SULF1: variants seen among roughly 807,000 people sequenced by gnomAD.
The protein encoded by SULF1 is extracellular sulfatase Sulf-1.
A neutral mutation model predicts 110.5 loss-of-function variants in SULF1; 46 were observed. That is an observed-to-expected ratio of 0.42 (90% CI 0.33 to 0.53). The LOEUF (loss-of-function observed/expected upper bound fraction) is 0.53. SULF1 is among the 20% of genes least tolerant of loss of function. The pLI is 0.12. For missense variants in SULF1, 941 were observed against 1,094.2 expected (o/e 0.86, Z 1.98); for synonymous variants, 371 against 387.1 (o/e 0.96, Z 0.49).
In SULF1 at chr8:69,603,224, C is replaced by T; in HGVS notation, c.1094C>T (p.Ala365Val). Residue 365 changes from alanine (A) to valine (V), a missense_variant, in exon 11 of 23, where the codon GCC becomes GTC. Ala to Val is a moderately conservative substitution (Grantham distance 64). This residue lies in a region of SULF1 where 822 missense variants were observed against 934.3 expected (regional missense o/e 0.88). Transcript: ENST00000402687. ...CAGATCGTTCTCAACATTGACTTGG[C>T]CCCCACGATCCTGGATATTGCTGGG... is the stretch of plus-strand genomic sequence containing the variant. ...VPQIVLNIDLAPTILDIAGLD... is the reference protein window; with the variant it reads ...VPQIVLNIDLVPTILDIAGLD... 2 of 1,614,144 alleles carry T rather than the reference C, an allele frequency of 1.2e-6. No homozygotes were observed. Among genetic ancestry groups the T allele is most frequent in the Non-Finnish European group, 1.7e-6 (2 of 1,180,028 alleles).
chr8:69,659,538 G>C lies in SULF1; in HGVS notation c.*1003G>C, dbSNP rs1812976739. 1 of 241,982 alleles carries C rather than the reference G, an allele frequency of 4.1e-6. No individual in the cohort carries two copies. Among genetic ancestry groups the C allele is most frequent in the Non-Finnish European group, 8.2e-6 (1 of 122,024 alleles). 15.0% of individuals were successfully genotyped at this position (241,982 alleles called of 1,614,324 possible). ...TAGAAAGAAAGGCTGGGGATATTTGGGTTGGCTTGGTTTTGATTTTTTGCT... is the reference window on the plus strand; with the variant it reads ...TAGAAAGAAAGGCTGGGGATATTTGCGTTGGCTTGGTTTTGATTTTTTGCT... On this transcript the variant is annotated 3_prime_UTR_variant, in exon 23 of 23. Coordinates refer to ENST00000402687, the MANE Select transcript of SULF1 (RefSeq NM_001128205.2).
chr8:69,612,906 G>T (rs1363858492), intron 13 of SULF1, among the ~76,000 whole-genome samples: 1 of 151,980 alleles, frequency 6.6e-6, no homozygotes, highest in African/African-American at 2.4e-5. Context: ...TGCTTTTGGG[G>T]TCTTAGTTAT....
chr8:69,466,929 A>G (rs570822985), exon 1 of SULF1: 6 of 152,356 alleles, frequency 3.9e-5, no homozygotes, highest in African/African-American at 1.4e-4. Context: ...AGCAGACACA[A>G]GAAAAGCAGT....
chr8:69,532,901 A>G (rs1344119654), intron 3 of SULF1, among the ~76,000 whole-genome samples: 1 of 152,154 alleles, frequency 6.6e-6, no homozygotes, highest in Non-Finnish European at 1.5e-5. Context: ...TATTCTAGGT[A>G]TCTCATATAA....
intron 5 of SULF1, among the ~76,000 whole-genome samples, chr8:69,567,415 T>C (rs1023295302): frequency 2.0e-5 from 3 of 152,136 alleles, no homozygotes; most frequent in Non-Finnish European, 4.4e-5. Flanking sequence ...TACATTTACA[T>C]TGGTGTGTAA....
intron 22 of SULF1, among the ~76,000 whole-genome samples, chr8:69,656,071 G>T (rs1163207428): frequency 6.6e-6 from 1 of 152,116 alleles, no homozygotes; most frequent in African/African-American, 2.4e-5. Flanking sequence ...GTTTCAAACT[G>T]TTCCTTTATA....
chr8:69,520,112 T>TACACACACAC (rs34036903), intron 3 of SULF1, among the ~76,000 whole-genome samples: 8 of 137,138 alleles, frequency 5.8e-5, no homozygotes, highest in African/African-American at 1.3e-4. Context: ...AAATTCCAGT[T>TACACACACAC]ACACACACAC....
chr8:69,617,217 G>A (rs1036730006), intron 13 of SULF1, among the ~76,000 whole-genome samples: 5 of 151,318 alleles, frequency 3.3e-5, no homozygotes, highest in Non-Finnish European at 7.4e-5. Context: ...AGGCTGTAGT[G>A]CAGTAGCATG....
At chr8:69,556,489 T>C (rs1196725001) in intron 3 of SULF1, among the ~76,000 whole-genome samples, 1 of 152,240 alleles carries the variant, frequency 6.6e-6, no homozygotes, top group Non-Finnish European at 1.5e-5. Flanking sequence ...TCTGCCATTC[T>C]ATGTGTGACT....
Position 69,589,029 on chromosome 8 carries a change from A to G in SULF1, c.622A>G (p.Arg208Gly). Residue 208 changes from arginine to glycine, a missense_variant, in exon 8 of 23, where the codon AGA becomes GGA. Physicochemically the swap from Arg to Gly is moderately radical, Grantham distance 125. This residue lies in a region of SULF1 where 822 missense variants were observed against 934.3 expected (regional missense o/e 0.88). Coordinates refer to ENST00000402687, the MANE Select transcript of SULF1 (RefSeq NM_001128205.2). The stretch of plus-strand genomic sequence containing the variant: ...CATTAATTACTTCAAAATGTCTAAG[A>G]GAATGTATCCCCATAGGCCCGTTAT... ...ESINYFKMSK[R>G]MYPHRPVMMV... 6.2e-7 allele frequency: 1 copy of G among 1,614,192 alleles called. No individual in the cohort carries two copies. The highest frequency in any genetic ancestry group is 8.5e-7 in the Non-Finnish European group (1 of 1,180,016).
At chr8:69,576,793 T>C (rs940721734) in intron 6 of SULF1, among the ~76,000 whole-genome samples, 9 of 152,240 alleles carry the variant, frequency 5.9e-5, no homozygotes, top group Non-Finnish European at 1.2e-4. Flanking sequence ...CACAACGTTG[T>C]TCGTAGAAGG....
intron 13 of SULF1, among the ~76,000 whole-genome samples, chr8:69,606,980 G>A (rs1298126061): frequency 1.3e-5 from 2 of 152,196 alleles, no homozygotes; most frequent in Non-Finnish European, 1.5e-5. Context: ...GCCTGAGTGA[G>A]CTTTAGAAGT....
intron 3 of SULF1, among the ~76,000 whole-genome samples, chr8:69,558,689 G>A (rs1455658177): frequency 6.6e-6 from 1 of 152,190 alleles, no homozygotes; most frequent in African/African-American, 2.4e-5. Flanking sequence ...AGCCTTAAAT[G>A]TGAGAGTCTG....
intron 1 of SULF1, among the ~76,000 whole-genome samples, chr8:69,478,220 A>C (rs556255797): frequency 6.6e-6 from 1 of 152,268 alleles, no homozygotes; most frequent in South Asian, 2.1e-4. Flanking sequence ...CCAGTTCTGC[A>C]TCACCTCGTG....
intron 5 of SULF1, among the ~76,000 whole-genome samples, 173 bp from the exon 6 acceptor site, chr8:69,575,797 G>T (rs1805569441): frequency 6.6e-6 from 1 of 152,098 alleles, no homozygotes. Context: ...GAGATGGTAG[G>T]ATCTCAAATG....
At chr8:69,606,891 G>A (rs1019165972) in intron 13 of SULF1, among the ~76,000 whole-genome samples, 3 of 152,190 alleles carry the variant, frequency 2.0e-5, no homozygotes, top group African/African-American at 7.2e-5. Flanking sequence ...GTCTCTTTTA[G>A]AAAGGCCTGA....
At chr8:69,516,958 ATCT>A (rs1340992055) in intron 3 of SULF1, among the ~76,000 whole-genome samples, 1 of 152,220 alleles carries the variant, frequency 6.6e-6, no homozygotes. Flanking sequence ...TACCAAAAAC[ATCT>A]TCTCACCTGT....
intron 3 of SULF1, among the ~76,000 whole-genome samples, chr8:69,505,766 T>C (rs1337079991): frequency 6.6e-6 from 1 of 152,160 alleles, no homozygotes; most frequent in Non-Finnish European, 1.5e-5. Flanking sequence ...AAGTAGACTC[T>C]TTTCCTTTGT....
At chr8:69,623,002 G>A (rs773119118) in intron 14 of SULF1, among the ~76,000 whole-genome samples, 18 of 152,228 alleles carry the variant, frequency 1.2e-4, no homozygotes, top group Non-Finnish European at 1.6e-4. Context: ...AGGCTAGAGC[G>A]ATAAGGCCAG....
Sources: gnomAD v4.1 joint callset for allele counts (sites outside exome capture counted in the v4.1 genomes callset) on GRCh38, gnomAD v4.1.1 for gene constraint, gnomAD v4.1.1 regional missense constraint, MANE v1.5 for transcripts, NCBI Gene and HGNC (gene_info 2026-07-23, HGNC 2026-07-21) for gene names.